FRMD5: variants seen among roughly 807,000 people sequenced by gnomAD.
FRMD5 encodes the protein FERM domain-containing protein 5.
In FRMD5, 20 loss-of-function variants were observed where a neutral mutation model predicts 69.0. The ratio of observed to expected loss-of-function variants is 0.29; its 90% CI spans 0.20 to 0.42. FRMD5 has a LOEUF of 0.42. FRMD5 is among the 10% of genes least tolerant of loss of function. The pLI, the probability that FRMD5 is intolerant of heterozygous loss-of-function variation, is 1.00. For missense variants in FRMD5, 595 were observed against 708.6 expected (o/e 0.84, Z 1.82); for synonymous variants, 271 against 260.1 (o/e 1.04, Z -0.40).
intron 1 of FRMD5, among the ~76,000 whole-genome samples, chr15:43,949,567 G>A (rs749255773): frequency 6.6e-6 from 1 of 152,158 alleles, no homozygotes; most frequent in Non-Finnish European, 1.5e-5. Flanking sequence ...CTGCTTGGTA[G>A]CAACTACAGG....
chr15:44,136,607 T>C (rs2077188876), intron 1 of FRMD5, among the ~76,000 whole-genome samples: 1 of 152,194 alleles, frequency 6.6e-6, no homozygotes, highest in Non-Finnish European at 1.5e-5. Context: ...CTTTATTACC[T>C]TGCAGTGGTA....
At chr15:43,917,921 C>A (rs1442152947) in intron 4 of FRMD5, 1 of 152,328 alleles carries the variant, frequency 6.6e-6, no homozygotes, top group African/African-American at 2.4e-5. Context: ...TATGCATCTG[C>A]AGGAAACAAG....
chr15:44,106,268 T>C lies in FRMD5; in HGVS notation c.102+88685A>G, dbSNP rs146826117. ...TAGAAAGACGAACTAATACCACATA[T>C]GTGCTCAAAAATAAATAAATAAATA... On this transcript the variant is annotated intron_variant, in intron 1 of 13. Transcript: ENST00000417257. 6.6e-5 allele frequency among the ~76,000 whole-genome samples: 10 copies of C among 152,246 alleles called. No individual in the cohort carries two copies. The East Asian group carries it at 1.9e-3, about 29-fold the overall frequency.
chr15:43,991,620 T>C (rs1246760082), intron 1 of FRMD5, among the ~76,000 whole-genome samples: 4 of 152,238 alleles, frequency 2.6e-5, no homozygotes, highest in Admixed American at 6.5e-5. Context: ...ATATTGACCT[T>C]TTGATCTGTC....
chr15:44,033,271 G>A (rs541769028), intron 1 of FRMD5, among the ~76,000 whole-genome samples: 173 of 152,206 alleles, frequency 1.1e-3, no homozygotes, highest in Non-Finnish European at 2.2e-3. Flanking sequence ...GAAAGGAGCA[G>A]AAAAGATAAC....
intron 1 of FRMD5, among the ~76,000 whole-genome samples, chr15:44,091,594 T>A (rs922451656): frequency 2.0e-5 from 3 of 152,266 alleles, no homozygotes; most frequent in Middle Eastern, 6.8e-3. Context: ...GATTTTGTGA[T>A]GGGAAAAATG....
intron 1 of FRMD5, among the ~76,000 whole-genome samples, chr15:44,114,106 CATAT>C (rs2140606080): frequency 6.6e-6 from 1 of 152,080 alleles, no homozygotes; most frequent in East Asian, 1.9e-4. Flanking sequence ...AAAAAAATGA[CATAT>C]ATAAAGACGT....
intron 5 of FRMD5, among the ~76,000 whole-genome samples, chr15:43,909,252 T>G (rs1401259450): frequency 6.6e-6 from 1 of 151,156 alleles, no homozygotes; most frequent in Non-Finnish European, 1.5e-5. Flanking sequence ...AAAAAAAAAT[T>G]AGCTGGGCAT....
At chr15:44,075,625 G>T (rs902804748) in intron 1 of FRMD5, among the ~76,000 whole-genome samples, 14 of 152,162 alleles carry the variant, frequency 9.2e-5, no homozygotes, top group African/African-American at 3.4e-4. Context: ...AAGAAAACAG[G>T]TATGTATGTA....
intron 1 of FRMD5, among the ~76,000 whole-genome samples, chr15:44,150,811 G>A (rs1032245202): frequency 6.6e-6 from 1 of 151,844 alleles, no homozygotes; most frequent in Non-Finnish European, 1.5e-5. Flanking sequence ...AAATAAAGAG[G>A]CTGGGTGCCG....
intron 5 of FRMD5, among the ~76,000 whole-genome samples, 199 bp from the exon 6 acceptor site, chr15:43,906,150 C>T (rs559009026): frequency 6.6e-6 from 1 of 152,238 alleles, no homozygotes; most frequent in Non-Finnish European, 1.5e-5. Context: ...TCCAGGTGCA[C>T]ACACTGGGTT....
chr15:44,000,991 T>G (rs950475478), intron 1 of FRMD5, among the ~76,000 whole-genome samples: 1 of 152,192 alleles, frequency 6.6e-6, no homozygotes, highest in Non-Finnish European at 1.5e-5. Context: ...AAAATGGCTA[T>G]ACTAATTTAC....
At chr15:44,163,944 C>T (rs867129481) in intron 1 of FRMD5, among the ~76,000 whole-genome samples, 8 of 152,194 alleles carry the variant, frequency 5.3e-5, no homozygotes, top group Admixed American at 3.3e-4. Flanking sequence ...CAGACATCAT[C>T]ATCCATCTTT....
At chr15:44,130,460 G>A (rs1300936610) in intron 1 of FRMD5, among the ~76,000 whole-genome samples, 1 of 152,118 alleles carries the variant, frequency 6.6e-6, no homozygotes, top group Non-Finnish European at 1.5e-5. Flanking sequence ...TTAGTTTTAG[G>A]TGACCCTGAA....
chr15:44,102,882 GT>G (rs1336265014), intron 1 of FRMD5, among the ~76,000 whole-genome samples: 1 of 152,232 alleles, frequency 6.6e-6, no homozygotes, highest in African/African-American at 2.4e-5. Context: ...AGGCTCACTA[GT>G]CACAGCCTTC....
At chr15:44,098,106 G>T (rs1479274055) in intron 1 of FRMD5, among the ~76,000 whole-genome samples, 1 of 48,374 alleles carries the variant, frequency 2.1e-5, no homozygotes, top group African/African-American at 6.3e-5. Flanking sequence ...AAAGTTCAGA[G>T]TGACAAAACA....
intron 1 of FRMD5, among the ~76,000 whole-genome samples, chr15:44,194,063 A>G (rs2078240496): frequency 6.6e-6 from 1 of 152,162 alleles, no homozygotes; most frequent in Non-Finnish European, 1.5e-5. Flanking sequence ...AATGTTTTCA[A>G]TCTCTGACTT....
At chr15:43,893,229 C>T (rs2088837215) in intron 7 of FRMD5, among the ~76,000 whole-genome samples, 1 of 151,280 alleles carries the variant, frequency 6.6e-6, no homozygotes, top group African/African-American at 2.4e-5. Flanking sequence ...AGTCCTATAA[C>T]ACTGGGCCCC....
intron 1 of FRMD5, among the ~76,000 whole-genome samples, chr15:44,079,598 T>C (rs1893914533): frequency 1.3e-5 from 2 of 152,120 alleles, no homozygotes; most frequent in South Asian, 2.1e-4. Context: ...ATCTAGCAAT[T>C]GCACTTCTGG....
Sources: allele counts gnomAD v4.1 joint callset (sites outside exome capture counted in the v4.1 genomes callset), GRCh38; gene constraint gnomAD v4.1.1; transcripts MANE v1.5; gene names NCBI Gene and HGNC (gene_info 2026-07-23, HGNC 2026-07-21).